TIMELESS: variants seen among roughly 807,000 people sequenced by gnomAD.
TIMELESS encodes the protein timeless circadian regulator.
Under a neutral mutation model 164.3 loss-of-function variants are expected in TIMELESS, and 124 were observed. The observed-to-expected ratio is 0.75, with a 90% CI of 0.65 to 0.88. The LOEUF is 0.88. Ranked by LOEUF, TIMELESS falls within the 40% of genes least tolerant of loss-of-function variation. The probability of loss-of-function intolerance (pLI) is 0.00; values close to 1 mark genes in which losing one functional copy is unlikely to be tolerated. For missense variants in TIMELESS, 1,422 were observed against 1,491.4 expected (o/e 0.95, Z 0.77); for synonymous variants, 564 against 563.4 (o/e 1.00, Z -0.02).
Position 56,434,173 on chromosome 12 carries a change from A to T in TIMELESS, c.-3T>A. ...CAGTTCATCATGTGCAAGTCCATAC[A>T]TCAGTGGACCAACCAACAGAGAAGG... On this transcript the variant is annotated 5_prime_UTR_variant, in exon 2 of 29. It removes an upstream start codon present in the reference 5' UTR. Coordinates refer to ENST00000553532, the MANE Select transcript of TIMELESS (RefSeq NM_003920.5). 6 of 1,612,460 alleles carry T rather than the reference A, an allele frequency of 3.7e-6. No homozygotes were observed. The highest frequency in any genetic ancestry group is 1.3e-5 in the African/African-American group (1 of 75,036).
chr12:56,437,932 G>A (rs1159440318), intron 1 of TIMELESS, among the ~76,000 whole-genome samples: 1 of 152,038 alleles, frequency 6.6e-6, no homozygotes, highest in Admixed American at 6.6e-5. Context: ...AGATTAGGCA[G>A]CCAAAAAAAC....
intron 1 of TIMELESS, among the ~76,000 whole-genome samples, chr12:56,447,095 C>T (rs1188728109): frequency 1.3e-5 from 2 of 151,030 alleles, no homozygotes; most frequent in Admixed American, 6.6e-5. Context: ...CTGCAACCTC[C>T]GCCTCCCGGG....
At chr12:56,446,621 A>G (rs1456648229) in intron 1 of TIMELESS, among the ~76,000 whole-genome samples, 1 of 152,102 alleles carries the variant, frequency 6.6e-6, no homozygotes, top group African/African-American at 2.4e-5. Context: ...GCCTGAGGTC[A>G]GGACTTCAAG....
At chr12:56,420,078 A>G (rs376977228) in intron 26 of TIMELESS, among the ~76,000 whole-genome samples, 11,994 of 135,066 alleles carry the variant, frequency 0.089, 742 homozygotes, top group South Asian at 0.13. Flanking sequence ...GTGTATATAT[A>G]TATATATAAA....
At position 56,421,052 on chromosome 12, in the gene TIMELESS, T is replaced by C. The variant is rs746908511; in HGVS notation, c.2951A>G (p.Glu984Gly). ...TGCTTCTGAGCCCCCTTCTTCTTCCTCTTCGCTGTCTTCCTCAGGCAGGTT... is the reference window on the plus strand; with the variant it reads ...TGCTTCTGAGCCCCCTTCTTCTTCCCCTTCGCTGTCTTCCTCAGGCAGGTT... The part of the protein sequence containing the change: ...EENLPEEDSE[E>G]EEEGGSEAEQ... Residue 984 changes from glutamate (E) to glycine (G), a missense_variant, in exon 24 of 29, where the codon GAG becomes GGG. Coordinates refer to ENST00000553532, the MANE Select transcript of TIMELESS (RefSeq NM_003920.5). The C allele has an allele frequency of 6.2e-7, 1 of 1,614,098 alleles. No individual in the cohort carries two copies. The highest frequency in any genetic ancestry group is 8.5e-7 in the Non-Finnish European group (1 of 1,180,050).
rs1400060654 is a variant in TIMELESS, at chr12:56,424,851, C to T, written c.1779G>A (p.Glu593=). ...GTACCATAGCTTCTGCCCGCTGCTC[C>T]TCCACTGGCACCTCTGAGGCCGCAT... ...PFDAASEVPV[E]EQRAEAMVRI... is the part of the protein sequence containing the mutation. The change falls in exon 15 of 29, where the codon GAG becomes GAA. Residue 593 remains glutamate (E), a synonymous_variant. Transcript: ENST00000553532. 3 of 1,614,230 alleles carry T rather than the reference C, an allele frequency of 1.9e-6. No homozygotes were observed. In the Admixed American group the frequency reaches 5.0e-5, roughly 27 times the overall value.
intron 1 of TIMELESS, 147 bp from the exon 2 acceptor site, chr12:56,434,378 CCA>C: frequency 1.7e-6 from 1 of 571,430 alleles, no homozygotes; most frequent in Admixed American, 3.1e-5. Flanking sequence ...GCTCTCAGCC[CCA>C]GAGAAAGTTT....
chr12:56,418,190 G>A lies in TIMELESS; in HGVS notation c.3398C>T (p.Ala1133Val), dbSNP rs1329935174. Residue 1133 changes from alanine to valine, a missense_variant, in exon 27 of 29, where the codon GCC (alanine) becomes GTC (valine). By Grantham distance (64) the Ala-to-Val change is moderately conservative (BLOSUM62 0). Transcript: ENST00000553532. Reference protein sequence around the residue: ...EEHCKEHRAQALRALLLAHKK... With the variant: ...EEHCKEHRAQVLRALLLAHKK... ...GTGGGCTAGCAAGAGGGCCCTCAGG[G>A]CTTGTGCTCGGTGCTCTTTACAGTG... 1 of 1,614,228 alleles carries A rather than the reference G, an allele frequency of 6.2e-7. No homozygotes were observed. The highest frequency in any genetic ancestry group is 1.1e-5 in the South Asian group (1 of 91,086).
Position 56,416,727 on chromosome 12 carries a change from T to C in TIMELESS, c.*989A>G, listed in dbSNP as rs1338276730. ...AAAAGGGAAGGTTGTTGGTCTTTTT[T>C]TTTTTTCTTTTTTTTTGAGACAGAG... is the stretch of plus-strand genomic sequence containing the variant. On this transcript the variant is annotated 3_prime_UTR_variant, in exon 29 of 29. Coordinates refer to ENST00000553532, the MANE Select transcript of TIMELESS (RefSeq NM_003920.5). The C allele has an allele frequency of 1.3e-5, 2 of 151,668 alleles. No individual in the cohort carries two copies. The highest frequency in any genetic ancestry group is 1.3e-4 in the Admixed American group (2 of 15,254). 9.4% of individuals were successfully genotyped at this position (151,668 alleles called of 1,614,324 possible). A position where few individuals can be genotyped will look rare whatever the true frequency, so the allele number is the denominator to read the frequency against.
At chr12:56,437,239 T>C (rs1882102280) in intron 1 of TIMELESS, among the ~76,000 whole-genome samples, 1 of 152,086 alleles carries the variant, frequency 6.6e-6, no homozygotes, top group African/African-American at 2.4e-5. Context: ...AAGCATGCAA[T>C]AAATATTTGC....
At chr12:56,422,353 T>C (rs1302082022) in intron 19 of TIMELESS, 162 bp from the exon 20 acceptor site, 1 of 607,408 alleles carries the variant, frequency 1.6e-6, no homozygotes, top group Non-Finnish European at 2.9e-6. Flanking sequence ...CCCCTCACTT[T>C]CCTTCCACGT....
Position 56,431,497 on chromosome 12 carries a change from C to G in TIMELESS, c.795G>C (p.Lys265Asn), listed in dbSNP as rs754755115. 1.9e-6 allele frequency: 3 copies of G among 1,612,788 alleles called. No homozygotes were observed. The South Asian group carries it at 3.3e-5, about 18-fold the overall frequency. The change falls in exon 8 of 29, where the codon AAG (lysine) becomes AAC (asparagine). Residue 265 changes from lysine to asparagine, a missense_variant. By Grantham distance (94) the Lys-to-Asn change is moderately conservative. Transcript: ENST00000553532. ...TGTTGCCTCGCTGGAGGGCTCGAGT[C>G]TTCTTTTCTGCCATCTCTCGCTGGC... ...VLRQREMAEK[K>N]TRALQRGNRH...
At chr12:56,429,346 C>T (rs1881790724) in intron 10 of TIMELESS, among the ~76,000 whole-genome samples, 1 of 151,252 alleles carries the variant, frequency 6.6e-6, no homozygotes, top group Admixed American at 6.6e-5. Context: ...TTATAGGTGC[C>T]CGCCACCACG....
At chr12:56,444,032 G>C (rs1868315520) in intron 1 of TIMELESS, among the ~76,000 whole-genome samples, 1 of 152,010 alleles carries the variant, frequency 6.6e-6, no homozygotes, top group Non-Finnish European at 1.5e-5. Context: ...CAAGTAGCTG[G>C]GATTACAGGT....
At chr12:56,431,332 C>T (rs1158522862) in intron 8 of TIMELESS, 139 bp downstream of exon 8, 30 of 1,103,238 alleles carry the variant, frequency 2.7e-5, no homozygotes, top group South Asian at 1.5e-4. Context: ...CCAGCCTGGG[C>T]GACAAGAGCA....
rs201430186 is a variant in TIMELESS at position 56,424,796 on chromosome 12, C to T, written c.1834G>A (p.Ala612Thr). The change falls in exon 15 of 29, where the codon GCC becomes ACC. Residue 612 changes from alanine (A) to threonine (T), a missense_variant. Physicochemically the swap from Ala to Thr is moderately conservative, Grantham distance 58 (BLOSUM62 0). Coordinates refer to ENST00000553532, the MANE Select transcript of TIMELESS (RefSeq NM_003920.5). Reference sequence around the variant, plus strand: ...CTCAGGAGAGTCAGGGCCTGTGGGGCCTGGCCAGCCAGGAGACAGTCTTGG... The same window carrying T: ...CTCAGGAGAGTCAGGGCCTGTGGGGTCTGGCCAGCCAGGAGACAGTCTTGG... ...RIQDCLLAGQAPQALTLLRSA... is the reference protein window; with the variant it reads ...RIQDCLLAGQTPQALTLLRSA... The T allele has an allele frequency of 3.0e-5, 49 of 1,614,134 alleles. No individual in the cohort carries two copies. The East Asian group carries it at 9.1e-4, about 30-fold the overall frequency.
At chr12:56,425,276 C>T (rs2136137055) in intron 13 of TIMELESS, 124 bp from the exon 14 acceptor site, 2 of 1,202,470 alleles carry the variant, frequency 1.7e-6, no homozygotes, top group Non-Finnish European at 2.3e-6. Context: ...TGCTATCCAT[C>T]GGTAATAGAA....
At position 56,449,342 on chromosome 12, in the gene TIMELESS, A is replaced by T. The variant is rs1354743810; in HGVS notation, c.-94T>A. 6.6e-6 allele frequency: 1 copy of T among 152,244 alleles called. No homozygotes were observed. Among genetic ancestry groups the T allele is most frequent in the Non-Finnish European group, 1.5e-5 (1 of 68,066 alleles). The allele number at this position is 152,244 out of a possible 1,614,324, so 9.4% of individuals were successfully genotyped here. On this transcript the variant is annotated 5_prime_UTR_variant, in exon 1 of 29. Coordinates refer to ENST00000553532, the MANE Select transcript of TIMELESS (RefSeq NM_003920.5). ...CTGCGGGTCCTCAGAAGCCCGGAGGAGCCACCGGCCCTCTGGCGCGGGGCC... is the reference window on the plus strand; with the variant it reads ...CTGCGGGTCCTCAGAAGCCCGGAGGTGCCACCGGCCCTCTGGCGCGGGGCC...
At chr12:56,422,815 C>CCCA in intron 19 of TIMELESS, 32 bp downstream of exon 19, 1 of 1,505,654 alleles carries the variant, frequency 6.6e-7, no homozygotes, top group Non-Finnish European at 9.1e-7. Flanking sequence ...CTTCCCCTAC[C>CCCA]CCCACCCACC....
Sources: gnomAD v4.1 joint callset for allele counts (sites outside exome capture counted in the v4.1 genomes callset) on GRCh38, gnomAD v4.1.1 for gene constraint, MANE v1.5 for transcripts, NCBI Gene and HGNC (gene_info 2026-07-23, HGNC 2026-07-21) for gene names.